The following PPP1R12B variants were observed in gnomAD, a reference collection of about 807,000 sequenced individuals.
The protein encoded by PPP1R12B is protein phosphatase 1 regulatory subunit 12B.
In PPP1R12B, 76 loss-of-function variants were observed where a neutral mutation model predicts 126.1. The observed-to-expected ratio is 0.60, with a 90% CI of 0.50 to 0.73. The LOEUF (loss-of-function observed/expected upper bound fraction) is 0.73, where lower values mean the gene tolerates loss of function less well. Ranked by LOEUF, PPP1R12B falls within the 30% of genes least tolerant of loss-of-function variation. The probability of loss-of-function intolerance (pLI) is 0.00; values close to 1 mark genes in which losing one functional copy is unlikely to be tolerated. For missense variants in PPP1R12B, 1,052 were observed against 1,205.1 expected, an observed-to-expected ratio of 0.87 and a Z score of 1.88; for synonymous variants, 356 against 434.7, an observed-to-expected ratio of 0.82 and a Z score of 2.25.
intron 13 of PPP1R12B, among the ~76,000 whole-genome samples, chr1:202,451,478 G>A (rs1211892592): frequency 4.7e-5 from 7 of 148,550 alleles, no homozygotes; most frequent in East Asian, 2.0e-4. Flanking sequence ...AGAGAGCACA[G>A]GGTTGGGGGT....
chr1:202,460,172 A>G (rs1674136082), intron 13 of PPP1R12B, among the ~76,000 whole-genome samples: 1 of 152,040 alleles, frequency 6.6e-6, no homozygotes. Flanking sequence ...CCTCTTTTTT[A>G]ATTGTGCTCT....
At chr1:202,366,872 A>G (rs890989537) in intron 1 of PPP1R12B, among the ~76,000 whole-genome samples, 2 of 152,224 alleles carry the variant, frequency 1.3e-5, no homozygotes, top group Non-Finnish European at 2.9e-5. Context: ...ATGATTCAAC[A>G]GGAAGATCAA....
At chr1:202,578,430 G>C (rs2149042707) in intron 23 of PPP1R12B, among the ~76,000 whole-genome samples, 1 of 152,258 alleles carries the variant, frequency 6.6e-6, no homozygotes, top group Admixed American at 6.5e-5. Flanking sequence ...GGCCACCCTG[G>C]GTTTTTTCTA....
At chr1:202,357,868 A>G (rs781070418) in intron 1 of PPP1R12B, among the ~76,000 whole-genome samples, 3 of 152,164 alleles carry the variant, frequency 2.0e-5, no homozygotes, top group Non-Finnish European at 4.4e-5. Context: ...CAATTTAGAA[A>G]CTAACTTGAA....
chr1:202,443,552 C>T (rs559764969), intron 12 of PPP1R12B, among the ~76,000 whole-genome samples: 93 of 152,336 alleles, frequency 6.1e-4, no homozygotes, highest in African/African-American at 2.0e-3. Flanking sequence ...TCTGTAGATA[C>T]ATTCTATAAG....
rs1679402748 is a variant in PPP1R12B at position 202,495,280 on chromosome 1, G to A, written c.2146-13G>A. 5 of 1,534,502 alleles carry A rather than the reference G, an allele frequency of 3.3e-6. No homozygotes were observed. Among genetic ancestry groups the A allele is most frequent in the East Asian group, 2.3e-5 (1 of 44,442 alleles). On this transcript the variant is annotated splice_polypyrimidine_tract_variant and intron_variant, in intron 15 of 23. Coordinates refer to ENST00000608999, the MANE Select transcript of PPP1R12B (RefSeq NM_002481.4). ...CTTGATTTCTAATATCTCATATTGTGGATTATTTCCAGCCTATCTGTCATC... is the reference window on the plus strand; with the variant it reads ...CTTGATTTCTAATATCTCATATTGTAGATTATTTCCAGCCTATCTGTCATC...
chr1:202,518,496 A>G (rs979695979), intron 18 of PPP1R12B, among the ~76,000 whole-genome samples: 1 of 152,224 alleles, frequency 6.6e-6, no homozygotes, highest in African/African-American at 2.4e-5. Context: ...TGAGTTACAA[A>G]GATAGTATAG....
chr1:202,564,905 A>G (rs1419332981), intron 21 of PPP1R12B, among the ~76,000 whole-genome samples: 2 of 152,170 alleles, frequency 1.3e-5, no homozygotes, highest in Non-Finnish European at 2.9e-5. Context: ...TCTACACTTC[A>G]CCTCTTGGAG....
chr1:202,504,737 C>A (rs750127001), intron 18 of PPP1R12B, among the ~76,000 whole-genome samples: 4 of 152,166 alleles, frequency 2.6e-5, no homozygotes, highest in Non-Finnish European at 5.9e-5. Context: ...GTTAAGAGGA[C>A]ACACCCAGGA....
chr1:202,447,174 G>T (rs1269958483), intron 12 of PPP1R12B, among the ~76,000 whole-genome samples: 4 of 152,150 alleles, frequency 2.6e-5, no homozygotes, highest in East Asian at 1.9e-4. Context: ...ATGGATATGG[G>T]TTAGACAACT....
At chr1:202,352,197 C>G (rs1656147633) in intron 1 of PPP1R12B, among the ~76,000 whole-genome samples, 1 of 152,290 alleles carries the variant, frequency 6.6e-6, no homozygotes, top group African/African-American at 2.4e-5. Context: ...TTTGCGTATA[C>G]ACATTGTAAG....
At chr1:202,510,058 G>C (rs1329958216) in intron 18 of PPP1R12B, among the ~76,000 whole-genome samples, 1 of 152,152 alleles carries the variant, frequency 6.6e-6, no homozygotes, top group East Asian at 1.9e-4. Context: ...TATAGAATAT[G>C]TACTTTTAAA....
At chr1:202,493,069 C>T (rs1403518968) in intron 14 of PPP1R12B, 45 bp from the exon 15 acceptor site, 2 of 1,565,762 alleles carry the variant, frequency 1.3e-6, no homozygotes, top group Non-Finnish European at 1.8e-6. Flanking sequence ...AAGAGTTATT[C>T]CATGGTTAGT....
chr1:202,361,612 A>G (rs919907202), intron 1 of PPP1R12B, among the ~76,000 whole-genome samples: 5 of 152,174 alleles, frequency 3.3e-5, no homozygotes, highest in African/African-American at 1.2e-4. Flanking sequence ...GGGCACAAAT[A>G]TCCAAACCAT....
At chr1:202,501,484 C>T (rs1474383732) in intron 18 of PPP1R12B, among the ~76,000 whole-genome samples, 2 of 152,168 alleles carry the variant, frequency 1.3e-5, no homozygotes, top group Non-Finnish European at 2.9e-5. Flanking sequence ...CTAGAGGGCA[C>T]AAGTGGTCAA....
intron 1 of PPP1R12B, among the ~76,000 whole-genome samples, chr1:202,409,211 G>A (rs1168360457): frequency 6.6e-6 from 1 of 152,062 alleles, no homozygotes; most frequent in Non-Finnish European, 1.5e-5. Context: ...ATAGAAAATA[G>A]AAATGGTAAT....
At chr1:202,362,653 G>GTTTTTTTT (rs143292643) in intron 1 of PPP1R12B, among the ~76,000 whole-genome samples, 2 of 144,752 alleles carry the variant, frequency 1.4e-5, no homozygotes. Context: ...AAGGCCCAGG[G>GTTTTTTTT]TTTTTGTTTT....
At chr1:202,372,842 G>GT (rs1660529564) in intron 1 of PPP1R12B, among the ~76,000 whole-genome samples, 1 of 152,022 alleles carries the variant, frequency 6.6e-6, no homozygotes, top group African/African-American at 2.4e-5. Flanking sequence ...AGTAGTAGTA[G>GT]TATTTATTTG....
At position 202,397,233 on chromosome 1, in the gene PPP1R12B, T is replaced by C. The variant is rs193003193; in HGVS notation, c.292-19554T>C. On this transcript the variant is annotated intron_variant, in intron 1 of 23. Transcript: ENST00000608999. ...TTTCAAGCTCAGGTCCTCCGTGACC[T>C]TTACATTGCTAATTCTGACATGTCC... Among the ~76,000 whole-genome samples, 524 of 152,364 alleles carry C rather than the reference T, an allele frequency of 3.4e-3. 1 individual carries two copies. The Middle Eastern group carries it at 0.037, about 11-fold the overall frequency.
Sources: allele counts gnomAD v4.1 joint callset (sites outside exome capture counted in the v4.1 genomes callset), GRCh38; gene constraint gnomAD v4.1.1; transcripts MANE v1.5; gene names NCBI Gene and HGNC (gene_info 2026-07-23, HGNC 2026-07-21).